ATP6V0D1: variants seen among roughly 807,000 people sequenced by gnomAD.
The protein encoded by ATP6V0D1 is ATPase H+ transporting V0 subunit d1, also known as V-type proton ATPase subunit d 1.
In ATP6V0D1, 13 loss-of-function variants were observed where a neutral mutation model predicts 39.0. The ratio of observed to expected loss-of-function variants is 0.33; its 90% CI spans 0.22 to 0.53. The LOEUF (loss-of-function observed/expected upper bound fraction) is 0.53. Ranked by LOEUF, ATP6V0D1 falls within the 20% of genes least tolerant of loss-of-function variation. The pLI is 0.94. For synonymous variants in ATP6V0D1, 191 were observed against 191.2 expected, an observed-to-expected ratio of 1.00 and a Z score of 0.01; for missense variants, 272 against 470.9, an observed-to-expected ratio of 0.58 and a Z score of 3.91.
intron 1 of ATP6V0D1, among the ~76,000 whole-genome samples, chr16:67,459,590 T>C (rs1291551661): frequency 6.6e-6 from 1 of 152,250 alleles, no homozygotes; most frequent in Non-Finnish European, 1.5e-5. Flanking sequence ...TGACAAAGTA[T>C]GGGCTTGGCA....
intron 1 of ATP6V0D1, among the ~76,000 whole-genome samples, chr16:67,478,767 G>A (rs2142338406): frequency 6.6e-6 from 1 of 152,270 alleles, no homozygotes; most frequent in African/African-American, 2.4e-5. Context: ...TAGGAAAAAT[G>A]TGTAGAAAGA....
intron 1 of ATP6V0D1, among the ~76,000 whole-genome samples, chr16:67,472,739 G>A (rs1328248516): frequency 2.0e-5 from 3 of 152,148 alleles, no homozygotes; most frequent in East Asian, 1.9e-4. Flanking sequence ...GCGTGGTGGC[G>A]GGTGCCTGTA....
chr16:67,464,757 G>A (rs2041316038), intron 1 of ATP6V0D1, among the ~76,000 whole-genome samples: 1 of 152,262 alleles, frequency 6.6e-6, no homozygotes, highest in Non-Finnish European at 1.5e-5. Context: ...TGAGGTCAAG[G>A]CCTGAAAACC....
intron 3 of ATP6V0D1, among the ~76,000 whole-genome samples, chr16:67,443,766 C>A (rs768483641): frequency 6.6e-6 from 1 of 152,198 alleles, no homozygotes; most frequent in Non-Finnish European, 1.5e-5. Flanking sequence ...CTGAAGAAGC[C>A]ACAAACAGCC....
At chr16:67,439,650 G>T in intron 4 of ATP6V0D1, 1 of 446,784 alleles carries the variant, frequency 2.2e-6, no homozygotes, top group Non-Finnish European at 4.0e-6. Context: ...TGGGCTCGCA[G>T]GGGTCCTCTG....
At position 67,479,937 on chromosome 16, in the gene ATP6V0D1, C is replaced by T. The variant is rs192892421; in HGVS notation, c.130+1020G>A. ...CGCCACGGCCGGGCGCGGTGGCTCA[C>T]GCCTGTAATCCCAGCACTTTGGGAG... On this transcript the variant is annotated intron_variant, in intron 1 of 7. Coordinates refer to ENST00000290949, the MANE Select transcript of ATP6V0D1 (RefSeq NM_004691.5). Among the ~76,000 whole-genome samples the T allele has an allele frequency of 9.8e-3, 1,062 of 108,768 alleles. 81 individuals carry two copies. The highest frequency in any genetic ancestry group is 0.04 in the Middle Eastern group (8 of 198). The allele number at this position is 108,768 out of a possible 152,430, so 71.4% of individuals were successfully genotyped here.
At chr16:67,479,619 A>C (rs2041447002) in intron 1 of ATP6V0D1, among the ~76,000 whole-genome samples, 1 of 152,218 alleles carries the variant, frequency 6.6e-6, no homozygotes. Flanking sequence ...TCCAGTTTGC[A>C]AGGCAAACAA....
intron 1 of ATP6V0D1, among the ~76,000 whole-genome samples, chr16:67,465,054 C>A (rs1457289331): frequency 1.3e-5 from 2 of 152,228 alleles, no homozygotes; most frequent in African/African-American, 4.8e-5. Context: ...ACTAAAGCAC[C>A]CTTCGGGGCC....
intron 1 of ATP6V0D1, among the ~76,000 whole-genome samples, chr16:67,464,782 C>T (rs1206750390): frequency 2.0e-5 from 3 of 152,268 alleles, no homozygotes; most frequent in Admixed American, 2.0e-4. Flanking sequence ...CCTGAGCATC[C>T]AAAGTGGGGC....
At chr16:67,455,393 C>T (rs143502915) in intron 1 of ATP6V0D1, 1 of 152,320 alleles carries the variant, frequency 6.6e-6, no homozygotes, top group East Asian at 1.9e-4. Flanking sequence ...AGATGGAACA[C>T]AGCATGTTGG....
At chr16:67,439,393 T>G (rs55898323) in intron 4 of ATP6V0D1, 42 bp from the exon 5 acceptor site, 1 of 1,594,756 alleles carries the variant, frequency 6.3e-7, no homozygotes, top group Non-Finnish European at 8.6e-7. Context: ...GCAAGGAAGC[T>G]CTGGAGGGCT....
At chr16:67,450,198 G>C (rs1174579141) in intron 2 of ATP6V0D1, among the ~76,000 whole-genome samples, 1 of 152,204 alleles carries the variant, frequency 6.6e-6, no homozygotes, top group East Asian at 1.9e-4. Context: ...CTCATTCCCA[G>C]AGTGGGCACC....
rs2279023 is a variant in ATP6V0D1 at position 67,444,348 on chromosome 16, G to A, written c.481+180C>T. Among the ~76,000 whole-genome samples, 3,825 of 152,336 alleles carry A rather than the reference G, an allele frequency of 0.025. 48 individuals carry two copies. The highest frequency in any genetic ancestry group is 0.041 in the Middle Eastern group (12 of 294). On this transcript the variant is annotated intron_variant, in intron 3 of 7. Transcript: ENST00000290949. This position sits in a 1 kb window ranked among gnomAD's most constrained non-coding sequence, Gnocchi z 4.8. ...CAGCAAAAGCAACAGGACAGGAGCAGAAGAGGGGTGAAGTGAGGAGAGAAT... is the reference window on the plus strand; with the variant it reads ...CAGCAAAAGCAACAGGACAGGAGCAAAAGAGGGGTGAAGTGAGGAGAGAAT...
intron 1 of ATP6V0D1, among the ~76,000 whole-genome samples, chr16:67,468,776 T>C (rs1280966923): frequency 6.6e-6 from 1 of 152,188 alleles, no homozygotes; most frequent in Non-Finnish European, 1.5e-5. Flanking sequence ...CTAAGGGCCC[T>C]GAATGGCTGA....
chr16:67,468,451 G>A (rs570790317), intron 1 of ATP6V0D1, among the ~76,000 whole-genome samples: 6 of 151,992 alleles, frequency 3.9e-5, no homozygotes, highest in Non-Finnish European at 7.4e-5. Context: ...AGCTAAGTGC[G>A]GTGGTGCATG....
At chr16:67,459,624 A>G (rs1382070515) in intron 1 of ATP6V0D1, among the ~76,000 whole-genome samples, 2 of 152,226 alleles carry the variant, frequency 1.3e-5, no homozygotes, top group African/African-American at 2.4e-5. Context: ...AGGCCTTGAG[A>G]GGTGGCAGCT....
chr16:67,466,368 CACACACACAA>C (rs2041330693), intron 1 of ATP6V0D1, among the ~76,000 whole-genome samples: 3 of 146,306 alleles, frequency 2.1e-5, no homozygotes, highest in African/African-American at 7.6e-5. Context: ...CACACACACA[CACACACACAA>C]AATTAGCCAG....
At chr16:67,469,729 C>G (rs1237366523) in intron 1 of ATP6V0D1, among the ~76,000 whole-genome samples, 1 of 152,182 alleles carries the variant, frequency 6.6e-6, no homozygotes, top group African/African-American at 2.4e-5. Flanking sequence ...CTTTGCTTAC[C>G]TATATGTCCT....
At chr16:67,441,646 A>G (rs1445243775) in intron 4 of ATP6V0D1, 1 of 152,208 alleles carries the variant, frequency 6.6e-6, no homozygotes, top group African/African-American at 2.4e-5. Flanking sequence ...GGGTGAGAGC[A>G]CTCACTTTTG....
Sources: allele counts gnomAD v4.1 joint callset (sites outside exome capture counted in the v4.1 genomes callset), GRCh38; gene constraint gnomAD v4.1.1; non-coding constraint Gnocchi (gnomAD v3.1); transcripts MANE v1.5; gene names NCBI Gene and HGNC (gene_info 2026-07-23, HGNC 2026-07-21).